PDE4D: variants seen among roughly 807,000 people sequenced by gnomAD.
The protein encoded by PDE4D is phosphodiesterase 4D, also known as 3',5'-cyclic-AMP phosphodiesterase 4D.
Under a neutral mutation model 87.4 loss-of-function variants are expected in PDE4D, and 24 were observed. That is an observed-to-expected ratio of 0.27 (90% CI 0.20 to 0.39). PDE4D has a LOEUF of 0.39. PDE4D is among the 10% of genes least tolerant of loss of function. The pLI, the probability that PDE4D is intolerant of heterozygous loss-of-function variation, is 1.00. For synonymous variants in PDE4D, 384 were observed against 383.2 expected (o/e 1.00, Z -0.02); for missense variants, 714 against 1,041.0 (o/e 0.69, Z 4.32).
chr5:60,089,570 T>C (rs1249105476), intron 2 of PDE4D, among the ~76,000 whole-genome samples: 1 of 151,620 alleles, frequency 6.6e-6, no homozygotes, highest in Non-Finnish European at 1.5e-5. Context: ...TTTGTAGCAA[T>C]CAACACCTAC....
chr5:58,974,867 C>A lies in PDE4D; in HGVS notation c.2227G>T (p.Asp743Tyr), dbSNP rs747706824. The A allele has an allele frequency of 2.5e-6, 4 of 1,612,544 alleles. No homozygotes were observed. The South Asian group carries it at 3.3e-5, about 13-fold the overall frequency. ...TCCTTTTCCGTGTCTGACTCACCAT[C>A]TTCCTCTAAAGTTAGTTCAAACTGG... ...KFQFELTLEE[D>Y]GESDTEKDSG... is the part of the protein sequence containing the mutation. The change falls in exon 15 of 15, where the codon GAT becomes TAT. Residue 743 changes from aspartate (D) to tyrosine (Y), a missense_variant. Physicochemically the swap from Asp to Tyr is radical, Grantham distance 160 (BLOSUM62 -3). Coordinates refer to ENST00000340635, the MANE Select transcript of PDE4D (RefSeq NM_001104631.2).
intron 1 of PDE4D, among the ~76,000 whole-genome samples, chr5:59,371,118 GC>G (rs1190364215): frequency 6.6e-6 from 1 of 152,166 alleles, no homozygotes; most frequent in East Asian, 1.9e-4. Flanking sequence ...TTCCAATGTG[GC>G]CCAGGGAAGC....
At chr5:59,957,895 G>A (rs575545365) in intron 3 of PDE4D, among the ~76,000 whole-genome samples, 19 of 152,162 alleles carry the variant, frequency 1.2e-4, no homozygotes, top group Non-Finnish European at 1.9e-4. Context: ...AAAAGAAATT[G>A]TTCTATCAAT....
At chr5:58,984,064 T>G (rs996395624) in intron 11 of PDE4D, among the ~76,000 whole-genome samples, 6 of 84,836 alleles carry the variant, frequency 7.1e-5, no homozygotes, top group African/African-American at 2.9e-4. Context: ...ACAGCTTTAC[T>G]AGGCTTAGCC....
At chr5:59,202,168 T>A (rs1435493073) in intron 2 of PDE4D, among the ~76,000 whole-genome samples, 1 of 148,626 alleles carries the variant, frequency 6.7e-6, no homozygotes, top group Non-Finnish European at 1.5e-5. Context: ...GCCTCTGGAG[T>A]AGCTGGGACT....
At chr5:60,456,031 C>T (rs1746443265) in intron 1 of PDE4D, among the ~76,000 whole-genome samples, 1 of 152,152 alleles carries the variant, frequency 6.6e-6, no homozygotes, top group Non-Finnish European at 1.5e-5. Context: ...GCACACACCC[C>T]CAAGGACATC....
intron 1 of PDE4D, among the ~76,000 whole-genome samples, chr5:59,469,349 A>G (rs992697983): frequency 6.6e-6 from 1 of 152,088 alleles, no homozygotes; most frequent in African/African-American, 2.4e-5. Context: ...AAACAAACAA[A>G]CAAAAAACAA....
At chr5:60,198,609 C>T (rs1191715234) in intron 1 of PDE4D, among the ~76,000 whole-genome samples, 1 of 151,588 alleles carries the variant, frequency 6.6e-6, no homozygotes, top group Non-Finnish European at 1.5e-5. Flanking sequence ...ACCACTGTAC[C>T]TAACTCTAAG....
At chr5:59,736,060 A>C (rs1424851681) in intron 1 of PDE4D, among the ~76,000 whole-genome samples, 1 of 151,928 alleles carries the variant, frequency 6.6e-6, no homozygotes, top group Non-Finnish European at 1.5e-5. Context: ...AATTTATGTG[A>C]CAAAAAGAAA....
intron 1 of PDE4D, among the ~76,000 whole-genome samples, chr5:60,404,752 T>A (rs538889864): frequency 1.2e-4 from 19 of 152,210 alleles, no homozygotes; most frequent in Admixed American, 6.5e-5. Context: ...CATGACATCA[T>A]AATTTCTAGA....
intron 1 of PDE4D, among the ~76,000 whole-genome samples, chr5:59,526,168 G>C (rs905494689): frequency 6.6e-6 from 1 of 152,166 alleles, no homozygotes; most frequent in Non-Finnish European, 1.5e-5. Flanking sequence ...AGGGCAAGCA[G>C]TCCTAGGAAG....
chr5:58,980,489 GTATT>G (rs1211774222), intron 11 of PDE4D, among the ~76,000 whole-genome samples: 1 of 152,162 alleles, frequency 6.6e-6, no homozygotes, highest in Non-Finnish European at 1.5e-5. Context: ...AACTTTGTAA[GTATT>G]TATTTTTTAT....
chr5:60,227,502 G>A (rs1745254907), intron 1 of PDE4D, among the ~76,000 whole-genome samples: 1 of 150,496 alleles, frequency 6.6e-6, no homozygotes, highest in South Asian at 2.1e-4. Flanking sequence ...TGTGTGATAG[G>A]AAAGAGGGAA....
At chr5:59,756,558 T>C (rs952472837) in intron 1 of PDE4D, among the ~76,000 whole-genome samples, 5 of 101,018 alleles carry the variant, frequency 4.9e-5, no homozygotes, top group Non-Finnish European at 6.9e-5. Context: ...TGAGTCATGG[T>C]GACAAAGTCC....
chr5:59,952,775 T>A (rs1169118283), intron 3 of PDE4D, among the ~76,000 whole-genome samples: 3 of 152,200 alleles, frequency 2.0e-5, no homozygotes, highest in Admixed American at 2.0e-4. Context: ...GGAGATGAAC[T>A]GAAGTCTCTA....
intron 1 of PDE4D, among the ~76,000 whole-genome samples, chr5:59,276,751 T>C (rs912131903): frequency 2.0e-5 from 3 of 152,116 alleles, no homozygotes; most frequent in Non-Finnish European, 4.4e-5. Context: ...CACAAAGACT[T>C]GGGTTTGCTA....
chr5:59,149,614 AT>A (rs1173653622), intron 5 of PDE4D, among the ~76,000 whole-genome samples: 1 of 148,826 alleles, frequency 6.7e-6, no homozygotes, highest in Non-Finnish European at 1.5e-5. Context: ...AGTCCTTAAG[AT>A]TTTAGTGTTG....
At chr5:59,824,402 C>G (rs954959619) in intron 1 of PDE4D, among the ~76,000 whole-genome samples, 6 of 152,088 alleles carry the variant, frequency 3.9e-5, no homozygotes, top group African/African-American at 1.4e-4. Context: ...AGAATGTAAC[C>G]CTTCTGTGAG....
chr5:59,406,410 CCA>C (rs1319140168), intron 1 of PDE4D, among the ~76,000 whole-genome samples: 1 of 89,052 alleles, frequency 1.1e-5, no homozygotes, highest in Non-Finnish European at 2.5e-5. Flanking sequence ...CCCCCCCCCC[CCA>C]TAGAGTCTTG....
Sources: gnomAD v4.1 joint callset for allele counts (sites outside exome capture counted in the v4.1 genomes callset) on GRCh38, gnomAD v4.1.1 for gene constraint, MANE v1.5 for transcripts, NCBI Gene and HGNC (gene_info 2026-07-23, HGNC 2026-07-21) for gene names.